The following SLC38A9 variants were observed in gnomAD, a reference collection of about 807,000 sequenced individuals.
The protein encoded by SLC38A9 is solute carrier family 38 member 9.
In SLC38A9, 48 loss-of-function variants were observed where a neutral mutation model predicts 62.3. The ratio of observed to expected loss-of-function variants is 0.77; its 90% CI spans 0.61 to 0.98. The LOEUF (loss-of-function observed/expected upper bound fraction) is 0.98, where lower values mean the gene tolerates loss of function less well. Among genes scored for constraint, SLC38A9 ranks in the 50% least tolerant of loss-of-function variants. The pLI, the probability that SLC38A9 is intolerant of heterozygous loss-of-function variation, is 0.00. For synonymous variants in SLC38A9, 204 were observed against 227.7 expected (o/e 0.90, Z 0.94); for missense variants, 541 against 679.8 (o/e 0.80, Z 2.27).
intron 8 of SLC38A9, among the ~76,000 whole-genome samples, chr5:55,660,542 GATGT>G (rs1376734141): frequency 2.6e-5 from 4 of 152,326 alleles, no homozygotes; most frequent in Admixed American, 2.6e-4. Context: ...GAGGTGTATA[GATGT>G]ATGTATGTAT....
chr5:55,647,793 T>C (rs1746653415), intron 11 of SLC38A9, among the ~76,000 whole-genome samples: 1 of 152,250 alleles, frequency 6.6e-6, no homozygotes, highest in Non-Finnish European at 1.5e-5. Context: ...CCTGAGATTC[T>C]TTTTAATAGC....
intron 3 of SLC38A9, among the ~76,000 whole-genome samples, chr5:55,677,445 T>C (rs902635167): frequency 2.0e-5 from 3 of 152,214 alleles, no homozygotes; most frequent in African/African-American, 7.2e-5. Flanking sequence ...CTTCAGGACC[T>C]TCCTAAAGTG....
chr5:55,649,006 A>G (rs1746895923), intron 11 of SLC38A9, among the ~76,000 whole-genome samples: 1 of 152,214 alleles, frequency 6.6e-6, no homozygotes, highest in African/African-American at 2.4e-5. Flanking sequence ...AATTTCAACT[A>G]ACAAGTAGAA....
chr5:55,705,895 A>G (rs1757232155), intron 2 of SLC38A9, among the ~76,000 whole-genome samples: 1 of 151,996 alleles, frequency 6.6e-6, no homozygotes, highest in Non-Finnish European at 1.5e-5. Flanking sequence ...TTTTTAGTAG[A>G]GACGGGGTTT....
chr5:55,669,423 T>C, intron 6 of SLC38A9, 102 bp from the exon 7 acceptor site: 1 of 1,318,514 alleles, frequency 7.6e-7, no homozygotes, highest in South Asian at 1.4e-5. Context: ...ACTTGACAAC[T>C]CATGAAAAAC....
intron 10 of SLC38A9, among the ~76,000 whole-genome samples, chr5:55,651,756 A>G (rs552950662): frequency 6.6e-6 from 1 of 152,042 alleles, no homozygotes; most frequent in Non-Finnish European, 1.5e-5. Flanking sequence ...TCTGCACAAT[A>G]CTCTTAGAGA....
rs532274431 is a variant in SLC38A9, at chr5:55,707,514, C to T, written c.-35+3938G>A. Among the ~76,000 whole-genome samples, 10 of 152,140 alleles carry T rather than the reference C, an allele frequency of 6.6e-5. No homozygotes were observed. In the South Asian group the frequency reaches 1.0e-3, roughly 16 times the overall value. ...GCACACACGTGTAGTCCCAGCTACC[C>T]GGGAGGCTGAGGCAGGAGAATTGCT... On this transcript the variant is annotated intron_variant, in intron 2 of 15. Coordinates refer to ENST00000396865, the MANE Select transcript of SLC38A9 (RefSeq NM_173514.4).
intron 12 of SLC38A9, among the ~76,000 whole-genome samples, chr5:55,643,135 G>A (rs1745704888): frequency 6.6e-6 from 1 of 152,164 alleles, no homozygotes. Flanking sequence ...CTTGGGTTTA[G>A]TTTGCTTTAC....
intron 12 of SLC38A9, among the ~76,000 whole-genome samples, chr5:55,636,211 T>C (rs1420482358): frequency 6.6e-6 from 1 of 152,088 alleles, no homozygotes; most frequent in Non-Finnish European, 1.5e-5. Context: ...GCTTAATAAA[T>C]CTAAACAGTA....
At chr5:55,711,308 AG>A (rs1758018663) in intron 2 of SLC38A9, 143 bp downstream of exon 2, 1 of 152,008 alleles carries the variant, frequency 6.6e-6, no homozygotes, top group African/African-American at 2.5e-5. Context: ...AAAAAAAGAA[AG>A]AAAAGAAAAG....
intron 14 of SLC38A9, among the ~76,000 whole-genome samples, chr5:55,628,531 T>C (rs1742868248): frequency 6.6e-6 from 1 of 152,194 alleles, no homozygotes; most frequent in Non-Finnish European, 1.5e-5. Flanking sequence ...AAGGCAGTAG[T>C]GATTTTGTTA....
intron 2 of SLC38A9, among the ~76,000 whole-genome samples, chr5:55,707,940 C>T (rs7737118): frequency 0.098 from 14,885 of 152,182 alleles, 1,232 homozygotes; most frequent in African/African-American, 0.23. Context: ...GGACACAGCA[C>T]CAAGGCACCA....
At chr5:55,631,402 A>C (rs568281490) in intron 14 of SLC38A9, among the ~76,000 whole-genome samples, 1 of 152,218 alleles carries the variant, frequency 6.6e-6, no homozygotes, top group Non-Finnish European at 1.5e-5. Context: ...TCCAAGAAGA[A>C]AAAACATTAT....
At chr5:55,631,604 T>C (rs1743462380) in intron 14 of SLC38A9, among the ~76,000 whole-genome samples, 1 of 152,222 alleles carries the variant, frequency 6.6e-6, no homozygotes, top group African/African-American at 2.4e-5. Flanking sequence ...GAACCATAGC[T>C]GCTGCTATAC....
chr5:55,628,587 A>T (rs936347030), intron 14 of SLC38A9, among the ~76,000 whole-genome samples: 2 of 152,174 alleles, frequency 1.3e-5, no homozygotes, highest in Non-Finnish European at 2.9e-5. Context: ...TATTTAACAA[A>T]CTTTTCATAA....
intron 3 of SLC38A9, among the ~76,000 whole-genome samples, chr5:55,682,968 C>T (rs73121379): frequency 0.038 from 5,270 of 137,432 alleles, 121 homozygotes; most frequent in African/African-American, 0.074. Context: ...GGCAGGCAGG[C>T]AGAGGAGGAA....
intron 2 of SLC38A9, among the ~76,000 whole-genome samples, chr5:55,709,625 A>G (rs1402280708): frequency 2.0e-5 from 3 of 152,186 alleles, no homozygotes; most frequent in Non-Finnish European, 4.4e-5. Flanking sequence ...TACTATTTCA[A>G]TTTGTAGTTC....
intron 9 of SLC38A9, 77 bp downstream of exon 9, chr5:55,656,638 G>T: frequency 1.1e-6 from 1 of 931,814 alleles, no homozygotes; most frequent in Non-Finnish European, 1.8e-6. Flanking sequence ...CCTAAAATAA[G>T]GTCACATGTT....
At chr5:55,709,569 A>T (rs1185023904) in intron 2 of SLC38A9, among the ~76,000 whole-genome samples, 1 of 152,076 alleles carries the variant, frequency 6.6e-6, no homozygotes, top group Non-Finnish European at 1.5e-5. Context: ...GTATCAGAGC[A>T]AAACTCTGCC....
Sources: gnomAD v4.1 joint callset for allele counts (sites outside exome capture counted in the v4.1 genomes callset) on GRCh38, gnomAD v4.1.1 for gene constraint, MANE v1.5 for transcripts, NCBI Gene and HGNC (gene_info 2026-07-23, HGNC 2026-07-21) for gene names.